USP20: variants seen among roughly 807,000 people sequenced by gnomAD.
The protein encoded by USP20 is ubiquitin specific peptidase 20.
Under a neutral mutation model 124.2 loss-of-function variants are expected in USP20, and 80 were observed. The ratio of observed to expected loss-of-function variants is 0.64; its 90% CI spans 0.54 to 0.78. USP20 has a LOEUF of 0.78. Ranked by LOEUF, USP20 falls within the 30% of genes least tolerant of loss-of-function variation. The pLI is 0.00. For synonymous variants in USP20, 481 were observed against 512.3 expected, an observed-to-expected ratio of 0.94 and a Z score of 0.83; for missense variants, 1,043 against 1,244.4, an observed-to-expected ratio of 0.84 and a Z score of 2.44.
intron 3 of USP20, 70 bp from the exon 4 acceptor site, chr9:129,856,237 C>A: frequency 6.7e-7 from 1 of 1,487,944 alleles, no homozygotes. Flanking sequence ...CAGGCAGGAG[C>A]AGTCTCAGTG....
chr9:129,879,506 G>A lies in USP20; in HGVS notation c.2513-67G>A. 6.4e-7 allele frequency: 1 copy of A among 1,567,008 alleles called. No homozygotes were observed. The highest frequency in any genetic ancestry group is 1.7e-5 in the Admixed American group (1 of 58,850). ...GCCTGGGGCGGCCCCACTTGGGATG[G>A]CTCTGCTGCTGTGGAGGGTGGAGGG... On this transcript the variant is annotated intron_variant, in intron 23 of 25. Coordinates refer to ENST00000372429, the MANE Select transcript of USP20 (RefSeq NM_001110303.4). The surrounding 1 kb of genome is among the most constrained non-coding windows in gnomAD (Gnocchi z 4.2).
Position 129,879,738 on chromosome 9 carries a change from C to A in USP20, c.2584+94C>A. On this transcript the variant is annotated intron_variant, in intron 24 of 25. Transcript: ENST00000372429. The surrounding 1 kb of genome is among the most constrained non-coding windows in gnomAD (Gnocchi z 4.2). Reference sequence around the variant, plus strand: ...CGTCCTTCCAGGAGCCCCCTTACCACCTGTCTTAGAGTCAGGCTGAGACGT... The same window carrying A: ...CGTCCTTCCAGGAGCCCCCTTACCAACTGTCTTAGAGTCAGGCTGAGACGT... 1.4e-6 allele frequency: 2 copies of A among 1,437,304 alleles called. No individual in the cohort carries two copies. The highest frequency in any genetic ancestry group is 1.2e-5 in the South Asian group (1 of 85,186). The allele number at this position is 1,437,304 out of a possible 1,614,324, so 89.0% of individuals were successfully genotyped here. A position where few individuals can be genotyped will look rare whatever the true frequency, so the allele number is the denominator to read the frequency against.
chr9:129,841,617 A>G (rs1172049831), intron 1 of USP20, among the ~76,000 whole-genome samples: 1 of 152,186 alleles, frequency 6.6e-6, no homozygotes, highest in African/African-American at 2.4e-5. Context: ...ACAGTTTCTC[A>G]GCCTTGGTGG....
intron 1 of USP20, among the ~76,000 whole-genome samples, chr9:129,848,926 C>A (rs749425639): frequency 6.6e-6 from 1 of 152,228 alleles, no homozygotes; most frequent in African/African-American, 2.4e-5. Flanking sequence ...AACTGCCTCT[C>A]CCTCTTTGAG....
chr9:129,868,020 C>A lies in USP20; in HGVS notation c.706C>A (p.Leu236Ile). Residue 236 changes from leucine (L) to isoleucine (I), a missense_variant, in exon 11 of 26, where the codon CTT (leucine) becomes ATT (isoleucine). Leu to Ile is a conservative substitution (Grantham distance 5, BLOSUM62 2). Coordinates refer to ENST00000372429, the MANE Select transcript of USP20 (RefSeq NM_001110303.4). ...GYAQQDTQEF[L>I]RCLMDQLHEE... ...CTGGTTCTAGGACACCCAAGAGTTC[C>A]TTCGCTGCCTGATGGACCAGCTGCA... The A allele has an allele frequency of 6.2e-7, 1 of 1,613,554 alleles. No individual in the cohort carries two copies. Among genetic ancestry groups the A allele is most frequent in the Non-Finnish European group, 8.5e-7 (1 of 1,179,704 alleles).
rs547137929 is a variant in USP20 at position 129,835,513 on chromosome 9, C to G, written c.-129+14C>G. On this transcript the variant is annotated intron_variant, in intron 1 of 25. Transcript: ENST00000372429. The stretch of plus-strand genomic sequence containing the variant: ...TTGCGAGTGCAGGTGAGTTCCGGGC[C>G]GCCACCGGCTGCTTCTGTGGGCCGG... 6 of 297,088 alleles carry G rather than the reference C, an allele frequency of 2.0e-5. No individual in the cohort carries two copies. The highest frequency in any genetic ancestry group is 1.3e-4 in the African/African-American group (6 of 45,012). 18.4% of individuals were successfully genotyped at this position (297,088 alleles called of 1,614,324 possible). A position where few individuals can be genotyped will look rare whatever the true frequency, so the allele number is the denominator to read the frequency against.
At chr9:129,850,944 G>T (rs1229328653) in intron 2 of USP20, among the ~76,000 whole-genome samples, 2 of 151,770 alleles carry the variant, frequency 1.3e-5, no homozygotes, top group Admixed American at 6.6e-5. Context: ...ATGAGCCACC[G>T]CACCCAGTCT....
At position 129,861,550 on chromosome 9, in the gene USP20, G is replaced by A. The variant is rs761390181; in HGVS notation, c.435G>A (p.Thr145=). Residue 145 remains threonine (T), a synonymous_variant, in exon 8 of 26, where the codon ACG becomes ACA. Transcript: ENST00000372429. ...GTTGTGTTTATTTCCCAGGCCTCAC[G>A]GGCATGAAGAACCTCGGGAACTCCT... The part of the protein sequence containing the change: ...EDDDLKPRGL[T]GMKNLGNSCY... 9.9e-6 allele frequency: 16 copies of A among 1,613,964 alleles called. No homozygotes were observed. The highest frequency in any genetic ancestry group is 3.3e-5 in the Admixed American group (2 of 59,998).
At chr9:129,854,057 T>G (rs1421087275) in intron 3 of USP20, among the ~76,000 whole-genome samples, 1 of 152,086 alleles carries the variant, frequency 6.6e-6, no homozygotes, top group Non-Finnish European at 1.5e-5. Context: ...ACAAGAAACT[T>G]TCTGAAAAAG....
intron 6 of USP20, among the ~76,000 whole-genome samples, chr9:129,860,570 A>G (rs1204774442): frequency 6.6e-6 from 1 of 152,080 alleles, no homozygotes; most frequent in East Asian, 1.9e-4. Context: ...GGGCAATATA[A>G]AAAGGTTAGC....
rs1451260137 is a variant in USP20, at chr9:129,858,128, G to A, written c.198+16G>A. ...TCATGCACAGGTGAGTGTGGTGGCTGAGAGTATGGGCCCTGCAGTTAGATG... is the reference window on the plus strand; with the variant it reads ...TCATGCACAGGTGAGTGTGGTGGCTAAGAGTATGGGCCCTGCAGTTAGATG... On this transcript the variant is annotated intron_variant, in intron 5 of 25. Coordinates refer to ENST00000372429, the MANE Select transcript of USP20 (RefSeq NM_001110303.4). 2 of 1,613,048 alleles carry A rather than the reference G, an allele frequency of 1.2e-6. No homozygotes were observed. Among genetic ancestry groups the A allele is most frequent in the Non-Finnish European group, 1.7e-6 (2 of 1,179,760 alleles).
chr9:129,861,549 C>T lies in USP20; in HGVS notation c.434C>T (p.Thr145Met), dbSNP rs773817638. ...EDDDLKPRGL[T>M]GMKNLGNSCY... ...CGTTGTGTTTATTTCCCAGGCCTCA[C>T]GGGCATGAAGAACCTCGGGAACTCC... is the stretch of plus-strand genomic sequence containing the variant. The change falls in exon 8 of 26, where the codon ACG becomes ATG. Residue 145 changes from threonine (T) to methionine (M), a missense_variant. Coordinates refer to ENST00000372429, the MANE Select transcript of USP20 (RefSeq NM_001110303.4). 3.7e-6 allele frequency: 6 copies of T among 1,614,128 alleles called. No homozygotes were observed. The highest frequency in any genetic ancestry group is 1.3e-5 in the African/African-American group (1 of 75,026).
chr9:129,865,682 GGGTACAGGGTCTCACTC>G (rs1463343879), intron 10 of USP20, among the ~76,000 whole-genome samples: 1 of 152,122 alleles, frequency 6.6e-6, no homozygotes, highest in Non-Finnish European at 1.5e-5. Flanking sequence ...GGGGGAGGGT[GGGTACAGGGTCTCACTC>G]TGTCACCCAG....
At chr9:129,871,417 C>A (rs113101338) in intron 15 of USP20, among the ~76,000 whole-genome samples, 1 of 152,274 alleles carries the variant, frequency 6.6e-6, no homozygotes, top group African/African-American at 2.4e-5. Context: ...TCTGCTTATT[C>A]GTTCATCCGT....
rs747558377 is a variant in USP20 at position 129,873,562 on chromosome 9, C to T, written c.1694+47C>T. 1.1e-5 allele frequency: 18 copies of T among 1,613,756 alleles called. No individual in the cohort carries two copies. In the African/African-American group the frequency reaches 2.4e-4, roughly 22 times the overall value. ...TTCTCCCTAACTGCCGTTTCTGTGC[C>T]CTACATATTCCCCTTGGGTTCCTGC... On this transcript the variant is annotated intron_variant, in intron 16 of 25. Coordinates refer to ENST00000372429, the MANE Select transcript of USP20 (RefSeq NM_001110303.4).
At chr9:129,861,668 C>G (rs1240796084) in intron 8 of USP20, 56 bp downstream of exon 8, 3 of 1,558,004 alleles carry the variant, frequency 1.9e-6, no homozygotes, top group Middle Eastern at 1.7e-4. Flanking sequence ...GCCCCGGAAA[C>G]AGCAGCAGTA....
At chr9:129,864,038 G>A (rs867874237) in intron 9 of USP20, among the ~76,000 whole-genome samples, 16 of 151,276 alleles carry the variant, frequency 1.1e-4, no homozygotes, top group Admixed American at 2.0e-4. Flanking sequence ...CCTGGGAGGC[G>A]GAGGTGGCAG....
Position 129,878,427 on chromosome 9 carries a change from G to A in USP20, c.2499G>A (p.Lys833=). 6.2e-7 allele frequency: 1 copy of A among 1,609,008 alleles called. No individual in the cohort carries two copies. The highest frequency in any genetic ancestry group is 8.5e-7 in the Non-Finnish European group (1 of 1,177,310). Residue 833 remains lysine (K), a synonymous_variant, in exon 23 of 26, where the codon AAG becomes AAA. Transcript: ENST00000372429. ...QWFREWEAFV[K]GKDNEPPGPI... ...TCCGGGAGTGGGAGGCGTTCGTCAA[G>A]GGGAAGGACAACGGTGAGCTGAGGG...
At chr9:129,875,720 G>T in intron 21 of USP20, 79 bp downstream of exon 21, 1 of 1,444,428 alleles carries the variant, frequency 6.9e-7, no homozygotes. Context: ...GGCAGGGAAG[G>T]AATGCCACCA....
Sources: allele counts gnomAD v4.1 joint callset (sites outside exome capture counted in the v4.1 genomes callset), GRCh38; gene constraint gnomAD v4.1.1; non-coding constraint Gnocchi (gnomAD v3.1); transcripts MANE v1.5; gene names NCBI Gene and HGNC (gene_info 2026-07-23, HGNC 2026-07-21).